Variants in ASH1L observed in about 807,000 individuals in gnomAD.
ASH1L encodes the protein histone-lysine N-methyltransferase ASH1L.
A neutral mutation model predicts 269.0 loss-of-function variants in ASH1L; 23 were observed. The ratio of observed to expected loss-of-function variants is 0.09; its 90% CI spans 0.06 to 0.12. The LOEUF (loss-of-function observed/expected upper bound fraction) is 0.12. ASH1L is among the 10% of genes least tolerant of loss of function. ASH1L has a pLI of 1.00. For missense variants in ASH1L, 2,912 were observed against 3,567.8 expected (o/e 0.82, Z 4.68); for synonymous variants, 1,187 against 1,253.5 (o/e 0.95, Z 1.12).
intron 6 of ASH1L, among the ~76,000 whole-genome samples, chr1:155,397,800 G>T (rs1173129606): frequency 1.3e-5 from 2 of 152,146 alleles, no homozygotes; most frequent in Non-Finnish European, 2.9e-5. Flanking sequence ...GACCTCAGGT[G>T]ATCCACTTGC....
Position 155,485,415 on chromosome 1 carries a change from C to T in ASH1L, c.421-2966G>A, listed in dbSNP as rs531737522. On this transcript the variant is annotated intron_variant, in intron 2 of 27. Transcript: ENST00000392403. ...CTCACTGCAGCCTTGAATGCCTGGG[C>T]TTAAGCCATCCTCCCCCCGCTCAGC... Among the ~76,000 whole-genome samples, 7 of 152,236 alleles carry T rather than the reference C, an allele frequency of 4.6e-5. No individual in the cohort carries two copies. The East Asian group carries it at 1.3e-3, about 29-fold the overall frequency.
chr1:155,423,499 G>A (rs1280994564), intron 5 of ASH1L, among the ~76,000 whole-genome samples: 1 of 151,992 alleles, frequency 6.6e-6, no homozygotes, highest in Non-Finnish European at 1.5e-5. Context: ...AACCCGGGAG[G>A]CAGAGGTTGC....
intron 3 of ASH1L, among the ~76,000 whole-genome samples, chr1:155,466,391 G>C (rs866590057): frequency 6.6e-6 from 1 of 151,828 alleles, no homozygotes; most frequent in Non-Finnish European, 1.5e-5. Flanking sequence ...CAAAAACTCT[G>C]TTTTTTTCTC....
At chr1:155,491,762 T>C (rs1666805212) in intron 2 of ASH1L, among the ~76,000 whole-genome samples, 6 of 151,714 alleles carry the variant, frequency 4.0e-5, no homozygotes, top group Admixed American at 3.9e-4. Context: ...CTCCGTCTCC[T>C]GGGTTCAAGC....
chr1:155,402,649 G>A (rs1419149586), intron 6 of ASH1L, among the ~76,000 whole-genome samples: 3 of 152,102 alleles, frequency 2.0e-5, no homozygotes, highest in Non-Finnish European at 4.4e-5. Context: ...TAAGGCTCAA[G>A]CAATCCCACC....
chr1:155,558,733 T>C (rs1197679260), intron 1 of ASH1L, among the ~76,000 whole-genome samples: 2 of 152,204 alleles, frequency 1.3e-5, no homozygotes, highest in Non-Finnish European at 2.9e-5. Context: ...GGTCTTCCTA[T>C]GTTGGCCAGG....
At position 155,533,485 on chromosome 1, in the gene ASH1L, G is replaced by A. The variant is rs113206343; in HGVS notation, c.-99-11867C>T. On this transcript the variant is annotated intron_variant, in intron 1 of 27. Coordinates refer to ENST00000392403, the MANE Select transcript of ASH1L (RefSeq NM_018489.3). ...TCACAGCACTTTGGGAGGCCGAGGC[G>A]GGTGGATCATGAGGTCAGGAGTTTG... is the stretch of plus-strand genomic sequence containing the variant. Among the ~76,000 whole-genome samples the A allele has an allele frequency of 3.3e-3, 507 of 151,714 alleles. 2 individuals are homozygous for A. Among genetic ancestry groups the A allele is most frequent in the African/African-American group, 0.012 (486 of 41,356 alleles).
chr1:155,370,426 A>T (rs1336800624), intron 12 of ASH1L, 78 bp downstream of exon 12: 38 of 1,578,446 alleles, frequency 2.4e-5, no homozygotes, highest in Non-Finnish European at 3.2e-5. Flanking sequence ...GCTGACTGAC[A>T]CTGGAAAGAT....
At chr1:155,498,957 A>T (rs1210710719) in intron 2 of ASH1L, among the ~76,000 whole-genome samples, 2 of 151,934 alleles carry the variant, frequency 1.3e-5, no homozygotes, top group Non-Finnish European at 2.9e-5. Flanking sequence ...TATTAAAGAA[A>T]ATTAAACATA....
At chr1:155,430,062 G>A (rs766718939) in intron 5 of ASH1L, among the ~76,000 whole-genome samples, 3 of 151,428 alleles carry the variant, frequency 2.0e-5, no homozygotes, top group South Asian at 2.1e-4. Context: ...TGCAACCTCC[G>A]CCTGCCAGGT....
At chr1:155,457,455 G>A (rs558693896) in intron 4 of ASH1L, among the ~76,000 whole-genome samples, 14 of 152,132 alleles carry the variant, frequency 9.2e-5, no homozygotes, top group African/African-American at 3.1e-4. Context: ...GCCTTTCTTC[G>A]AAAGTGCTGT....
intron 4 of ASH1L, among the ~76,000 whole-genome samples, chr1:155,445,452 T>C (rs1662934842): frequency 6.6e-6 from 1 of 152,008 alleles, no homozygotes; most frequent in Non-Finnish European, 1.5e-5. Context: ...TCCAAAGTGC[T>C]GAGATTACAG....
chr1:155,476,538 A>C (rs893243781), intron 3 of ASH1L, among the ~76,000 whole-genome samples: 1 of 151,970 alleles, frequency 6.6e-6, no homozygotes, highest in Non-Finnish European at 1.5e-5. Context: ...TCCCTAATAC[A>C]CAAGTCTTTT....
chr1:155,548,673 C>G (rs548041989), intron 1 of ASH1L, among the ~76,000 whole-genome samples: 3 of 152,266 alleles, frequency 2.0e-5, no homozygotes, highest in Admixed American at 2.0e-4. Context: ...TTCTGGTATT[C>G]TAGATAAATT....
intron 2 of ASH1L, among the ~76,000 whole-genome samples, chr1:155,484,544 G>A (rs973085031): frequency 6.6e-6 from 1 of 151,990 alleles, no homozygotes; most frequent in Non-Finnish European, 1.5e-5. Flanking sequence ...AGTTATATAA[G>A]TATATGAAAA....
rs571898394 is a variant in ASH1L at position 155,343,015 on chromosome 1, CTTT to C, written c.8293+296_8293+298del. 1.3e-3 allele frequency: 244 copies of C among 191,304 alleles called. No homozygotes were observed. Among genetic ancestry groups the C allele is most frequent in the East Asian group, 1.8e-3 (14 of 7,970 alleles). The allele number at this position is 191,304 out of a possible 1,614,324, so 11.9% of individuals were successfully genotyped here. A position where few individuals can be genotyped will look rare whatever the true frequency, so the allele number is the denominator to read the frequency against. ...ACAGGAGACATGAGGTCATTGAAGT[CTTT>C]TTTTTTTTTTTGAGGCAGGGTTTCA... On this transcript the variant is annotated intron_variant, in intron 24 of 27. Coordinates refer to ENST00000392403, the MANE Select transcript of ASH1L (RefSeq NM_018489.3). The surrounding 1 kb of genome is among the most constrained non-coding windows in gnomAD (Gnocchi z 6.1).
chr1:155,480,705 A>C lies in ASH1L; in HGVS notation c.2165T>G (p.Val722Gly), dbSNP rs1300464948. 22 of 1,612,890 alleles carry C rather than the reference A, an allele frequency of 1.4e-5. No homozygotes were observed. The highest frequency in any genetic ancestry group is 1.7e-5 in the Non-Finnish European group (20 of 1,179,742). ...AGACCGGCATGTGCTTCTTGCCACCACTTTAGTCCACCGAGGTTTTCTTCC... is the reference window on the plus strand; with the variant it reads ...AGACCGGCATGTGCTTCTTGCCACCCCTTTAGTCCACCGAGGTTTTCTTCC... ...RKGRKPRWTK[V>G]VARSTCRSPK... is the part of the protein sequence containing the mutation. The change falls in exon 3 of 28, where the codon GTG (valine) becomes GGG (glycine). Residue 722 changes from valine to glycine, a missense_variant. By Grantham distance (109) the Val-to-Gly change is moderately radical. Coordinates refer to ENST00000392403, the MANE Select transcript of ASH1L (RefSeq NM_018489.3).
At chr1:155,490,845 T>C (rs1315908466) in intron 2 of ASH1L, among the ~76,000 whole-genome samples, 1 of 151,602 alleles carries the variant, frequency 6.6e-6, no homozygotes, top group Non-Finnish European at 1.5e-5. Context: ...TGCCTGTAGT[T>C]TCAGGTACAT....
At chr1:155,338,601 T>C (rs1453793002) in intron 26 of ASH1L, among the ~76,000 whole-genome samples, 1 of 152,194 alleles carries the variant, frequency 6.6e-6, no homozygotes, top group Non-Finnish European at 1.5e-5. Context: ...ACTTTTATTA[T>C]TTCTCTTAGG....
Sources: allele counts gnomAD v4.1 joint callset (sites outside exome capture counted in the v4.1 genomes callset), GRCh38; gene constraint gnomAD v4.1.1; non-coding constraint Gnocchi (gnomAD v3.1); transcripts MANE v1.5; gene names NCBI Gene and HGNC (gene_info 2026-07-23, HGNC 2026-07-21).